ZC3H8: variants seen among roughly 807,000 people sequenced by gnomAD.
The protein encoded by ZC3H8 is zinc finger CCCH-type containing 8, also known as zinc finger CCCH domain-containing protein 8.
ZC3H8 carries 27 observed loss-of-function variants against 42.5 expected under a neutral mutation model. That is an observed-to-expected ratio of 0.64 (90% CI 0.47 to 0.88). The LOEUF is 0.88. ZC3H8 is among the 40% of genes least tolerant of loss of function. The pLI is 0.00. For synonymous variants in ZC3H8, 101 were observed against 110.1 expected (o/e 0.92, Z 0.52); for missense variants, 277 against 336.1 (o/e 0.82, Z 1.37).
chr2:112,250,172 G>C lies in ZC3H8; in HGVS notation c.156+19C>G. 1 of 1,538,326 alleles carries C rather than the reference G, an allele frequency of 6.5e-7. No homozygotes were observed. Among genetic ancestry groups the C allele is most frequent in the Non-Finnish European group, 8.8e-7 (1 of 1,139,628 alleles). ...AAAATCTGCGTTTTCAACTTAAACA[G>C]TGGTCAACTTAATCTTACTTTTTTG... On this transcript the variant is annotated intron_variant, in intron 2 of 8. Coordinates refer to ENST00000409573, the MANE Select transcript of ZC3H8 (RefSeq NM_032494.3).
intron 8 of ZC3H8, among the ~76,000 whole-genome samples, chr2:112,226,255 A>G (rs964936146): frequency 6.6e-6 from 1 of 151,990 alleles, no homozygotes; most frequent in African/African-American, 2.4e-5. Context: ...GAATAAACTT[A>G]TAACAAGGAC....
Position 112,250,210 on chromosome 2 carries a change from C to A in ZC3H8, c.137G>T (p.Cys46Phe). 1 of 1,567,754 alleles carries A rather than the reference C, an allele frequency of 6.4e-7. No homozygotes were observed. The highest frequency in any genetic ancestry group is 8.7e-7 in the Non-Finnish European group (1 of 1,154,964). Reference sequence around the variant, plus strand: ...TCTTACTTTTTTGGGAATTTGCTCGCACTCCAGTTTAATTTTCTCTTCTTG... The same window carrying A: ...TCTTACTTTTTTGGGAATTTGCTCGAACTCCAGTTTAATTTTCTCTTCTTG... Reference protein sequence around the residue: ...ETQEEKIKLECEQIPKKFRHS... With the variant: ...ETQEEKIKLEFEQIPKKFRHS... The change falls in exon 2 of 9, where the codon TGC becomes TTC. Residue 46 changes from cysteine to phenylalanine, a missense_variant. By Grantham distance (205) the Cys-to-Phe change is radical. Coordinates refer to ENST00000409573, the MANE Select transcript of ZC3H8 (RefSeq NM_032494.3).
intron 2 of ZC3H8, 94 bp downstream of exon 2, chr2:112,250,097 T>C: frequency 1.1e-6 from 1 of 904,030 alleles, no homozygotes; most frequent in Non-Finnish European, 1.6e-6. Context: ...CTCATATCCA[T>C]TTCCATCTGT....
chr2:112,238,973 T>C (rs1408244199), intron 2 of ZC3H8, among the ~76,000 whole-genome samples: 6 of 152,244 alleles, frequency 3.9e-5, no homozygotes, highest in African/African-American at 1.4e-4. Flanking sequence ...ACTGTAATGG[T>C]CCATATGAAA....
At chr2:112,245,975 A>T (rs918063391) in intron 2 of ZC3H8, among the ~76,000 whole-genome samples, 3 of 152,230 alleles carry the variant, frequency 2.0e-5, no homozygotes, top group African/African-American at 7.2e-5. Flanking sequence ...TTAGGAGCTA[A>T]TGCAGCTGGT....
At chr2:112,221,439 A>T (rs766922793) in intron 8 of ZC3H8, among the ~76,000 whole-genome samples, 11 of 152,192 alleles carry the variant, frequency 7.2e-5, no homozygotes, top group Non-Finnish European at 1.3e-4. Context: ...GCCTCCTCAG[A>T]AGCAGATGCC....
intron 5 of ZC3H8, 122 bp downstream of exon 5, chr2:112,233,998 T>G: frequency 1.7e-6 from 1 of 599,530 alleles, no homozygotes; most frequent in Non-Finnish European, 2.6e-6. Flanking sequence ...CACTAAAATT[T>G]TCTAACTGAT....
At chr2:112,218,319 A>G (rs1021393078) in intron 8 of ZC3H8, among the ~76,000 whole-genome samples, 1 of 152,226 alleles carries the variant, frequency 6.6e-6, no homozygotes, top group African/African-American at 2.4e-5. Context: ...CTCAAGGTTT[A>G]GAAACCAGGC....
chr2:112,248,429 A>G (rs1054565040), intron 2 of ZC3H8, among the ~76,000 whole-genome samples: 6 of 152,306 alleles, frequency 3.9e-5, no homozygotes, highest in African/African-American at 1.4e-4. Context: ...ATACACTATT[A>G]AAGTCTATTT....
chr2:112,224,625 C>T (rs992174747), intron 8 of ZC3H8, among the ~76,000 whole-genome samples: 1 of 152,090 alleles, frequency 6.6e-6, no homozygotes, highest in African/African-American at 2.4e-5. Flanking sequence ...TATATCCATA[C>T]AAAAGAACAC....
intron 2 of ZC3H8, among the ~76,000 whole-genome samples, chr2:112,240,762 ACTTTT>A (rs1042075089): frequency 2.6e-5 from 4 of 152,192 alleles, no homozygotes; most frequent in Admixed American, 1.3e-4. Context: ...ATAATTGAAT[ACTTTT>A]CTTCACTTAG....
chr2:112,240,045 C>T (rs1685517574), intron 2 of ZC3H8, among the ~76,000 whole-genome samples: 1 of 152,222 alleles, frequency 6.6e-6, no homozygotes, highest in Non-Finnish European at 1.5e-5. Context: ...ATCTTCCCTA[C>T]ACCAGACAAG....
At chr2:112,243,044 A>C (rs536071966) in intron 2 of ZC3H8, among the ~76,000 whole-genome samples, 37 of 152,378 alleles carry the variant, frequency 2.4e-4, no homozygotes, top group African/African-American at 8.9e-4. Context: ...GAGCTTCATC[A>C]GACAATTTAA....
chr2:112,240,149 T>G (rs1376619273), intron 2 of ZC3H8, among the ~76,000 whole-genome samples: 2 of 152,222 alleles, frequency 1.3e-5, no homozygotes, highest in African/African-American at 4.8e-5. Flanking sequence ...AGAATAAACT[T>G]GTAAATGTAA....
At chr2:112,224,053 C>T (rs1272700976) in intron 8 of ZC3H8, among the ~76,000 whole-genome samples, 1 of 152,046 alleles carries the variant, frequency 6.6e-6, no homozygotes, top group African/African-American at 2.4e-5. Flanking sequence ...GCAGGAGAAT[C>T]GCTTCAGCCT....
chr2:112,245,589 C>T (rs1405119199), intron 2 of ZC3H8, among the ~76,000 whole-genome samples: 6 of 152,062 alleles, frequency 3.9e-5, no homozygotes, highest in African/African-American at 9.7e-5. Flanking sequence ...AGGAGGCAGA[C>T]GATGCAGTGA....
rs1684320382 is a variant in ZC3H8 at position 112,216,372 on chromosome 2, CTGAA to C, written c.*108_*111del. ...CACCCCAGTCACACAAGAGGGCACT[CTGAA>C]TGAGGAATCTTGTAAACTACTCCAA... On this transcript the variant is annotated 3_prime_UTR_variant, in exon 9 of 9. Transcript: ENST00000409573. The C allele has an allele frequency of 6.6e-6, 1 of 152,366 alleles. No homozygotes were observed. The highest frequency in any genetic ancestry group is 2.1e-4 in the South Asian group (1 of 4,838). The allele number at this position is 152,366 out of a possible 1,614,324, so 9.4% of individuals were successfully genotyped here.
intron 2 of ZC3H8, among the ~76,000 whole-genome samples, chr2:112,243,931 G>C (rs577878873): frequency 2.0e-5 from 3 of 151,840 alleles, no homozygotes; most frequent in Admixed American, 6.6e-5. Flanking sequence ...ATGTTAGAAA[G>C]CTATCAAAAC....
At chr2:112,235,818 A>C (rs1256004036) in intron 4 of ZC3H8, among the ~76,000 whole-genome samples, 1 of 152,092 alleles carries the variant, frequency 6.6e-6, no homozygotes, top group African/African-American at 2.4e-5. Context: ...AGAGGGAGCC[A>C]GGATGAGGGA....
Sources: gnomAD v4.1 joint callset for allele counts (sites outside exome capture counted in the v4.1 genomes callset) on GRCh38, gnomAD v4.1.1 for gene constraint, MANE v1.5 for transcripts, NCBI Gene and HGNC (gene_info 2026-07-23, HGNC 2026-07-21) for gene names.